The following ACTR3C variants were observed in gnomAD, a reference collection of about 807,000 sequenced individuals.
ACTR3C encodes the protein actin-related protein 3C.
Under a neutral mutation model 26.3 loss-of-function variants are expected in ACTR3C, and 18 were observed. The ratio of observed to expected loss-of-function variants is 0.68; its 90% CI spans 0.47 to 1.01. The LOEUF (loss-of-function observed/expected upper bound fraction) is 1.01. ACTR3C is among the 50% of genes least tolerant of loss of function. The probability of loss-of-function intolerance (pLI) is 0.00; values close to 1 mark genes in which losing one functional copy is unlikely to be tolerated. For missense variants in ACTR3C, 184 were observed against 250.7 expected (o/e 0.73, Z 1.80); for synonymous variants, 55 against 94.5 (o/e 0.58, Z 2.42).
At chr7:150,318,488 T>C (rs1471705796) in intron 1 of ACTR3C, among the ~76,000 whole-genome samples, 10 of 152,158 alleles carry the variant, frequency 6.6e-5, no homozygotes, top group Non-Finnish European at 1.5e-4. Context: ...GAGTTGCCAG[T>C]TGCGGTGGCT....
chr7:150,232,119 A>G, the ACTR3C span, among the ~76,000 whole-genome samples: 1 of 152,146 alleles, frequency 6.6e-6, no homozygotes. Context: ...TCGTTATGTA[A>G]TGCACCTCTT....
chr7:150,063,529 C>A, the ACTR3C span, among the ~76,000 whole-genome samples: 2 of 151,426 alleles, frequency 1.3e-5, 1 homozygote, highest in African/African-American at 4.9e-5. Flanking sequence ...AAGCTCAAAG[C>A]TGCTCTTGTA....
chr7:150,322,518 C>A (rs1797635897), intron 1 of ACTR3C: 1 of 152,258 alleles, frequency 6.6e-6, no homozygotes, highest in African/African-American at 2.4e-5. Flanking sequence ...TTACAGACGC[C>A]ATGACACCAT....
chr7:150,146,904 A>T, the ACTR3C span, among the ~76,000 whole-genome samples: 1 of 152,228 alleles, frequency 6.6e-6, no homozygotes, highest in African/African-American at 2.4e-5. Flanking sequence ...TTGAGATTGC[A>T]GGGTTTATTT....
the ACTR3C span, among the ~76,000 whole-genome samples, chr7:150,104,000 C>T: frequency 6.6e-6 from 1 of 151,824 alleles, no homozygotes; most frequent in Non-Finnish European, 1.5e-5. Flanking sequence ...ATTCAAAAGG[C>T]TTGGAAGGAC....
the ACTR3C span, among the ~76,000 whole-genome samples, chr7:150,109,785 C>T: frequency 6.7e-6 from 1 of 149,446 alleles, no homozygotes; most frequent in African/African-American, 2.5e-5. Context: ...AAGATTTGAA[C>T]AGACTTCCAG....
chr7:150,188,249 A>G, the ACTR3C span, among the ~76,000 whole-genome samples: 2 of 152,296 alleles, frequency 1.3e-5, no homozygotes, highest in East Asian at 1.9e-4. Flanking sequence ...TTCACTTAGC[A>G]TATTTTTTCT....
chr7:149,972,127 A>G, the ACTR3C span, among the ~76,000 whole-genome samples: 79 of 152,048 alleles, frequency 5.2e-4, 1 homozygote, highest in Non-Finnish European at 8.8e-4. Context: ...CATCTCACGG[A>G]TCTCCCAGCT....
chr7:150,011,413 T>G, the ACTR3C span, among the ~76,000 whole-genome samples: 1 of 152,094 alleles, frequency 6.6e-6, no homozygotes, highest in Non-Finnish European at 1.5e-5. Context: ...GGTGAAACCC[T>G]GTCTTACTAA....
chr7:150,049,036 TGC>T, the ACTR3C span, among the ~76,000 whole-genome samples: 1 of 151,850 alleles, frequency 6.6e-6, no homozygotes, highest in Non-Finnish European at 1.5e-5. Context: ...TTCCAAAGCC[TGC>T]GCCTCACTGT....
the ACTR3C span, among the ~76,000 whole-genome samples, chr7:150,081,480 C>T: frequency 6.6e-6 from 1 of 151,374 alleles, no homozygotes; most frequent in South Asian, 2.1e-4. Flanking sequence ...TCTTAATAAG[C>T]AGGGCCCTGT....
chr7:150,304,613 T>C (rs895389137), intron 1 of ACTR3C, among the ~76,000 whole-genome samples: 34 of 151,660 alleles, frequency 2.2e-4, no homozygotes, highest in African/African-American at 7.5e-4. Flanking sequence ...TTCTTCCTCC[T>C]CCCTCCCTCC....
chr7:150,231,352 T>A, the ACTR3C span, among the ~76,000 whole-genome samples: 9 of 152,080 alleles, frequency 5.9e-5, no homozygotes, highest in East Asian at 1.5e-3. Context: ...AGTAATGCCC[T>A]CCCTTGGTGG....
chr7:150,016,286 T>G, the ACTR3C span, among the ~76,000 whole-genome samples: 1 of 152,148 alleles, frequency 6.6e-6, no homozygotes, highest in African/African-American at 2.4e-5. Flanking sequence ...TTCTGACAAC[T>G]GCTTATTTGC....
At chr7:150,187,316 T>C in the ACTR3C span, among the ~76,000 whole-genome samples, 1 of 151,804 alleles carries the variant, frequency 6.6e-6, no homozygotes, top group Non-Finnish European at 1.5e-5. Flanking sequence ...CCAACTGGCA[T>C]TGGGGTAAAC....
intron 1 of ACTR3C, chr7:150,323,120 AC>A (rs1427556942): frequency 5.3e-6 from 1 of 188,146 alleles, no homozygotes; most frequent in Non-Finnish European, 1.1e-5. Flanking sequence ...CTAAGGCCGC[AC>A]CGATAAACGA....
chr7:150,063,940 G>C, the ACTR3C span, among the ~76,000 whole-genome samples: 1 of 151,912 alleles, frequency 6.6e-6, no homozygotes, highest in Non-Finnish European at 1.5e-5. Flanking sequence ...TATGGCAAGT[G>C]ACTACCAAAG....
chr7:149,911,802 C>T, the ACTR3C span, among the ~76,000 whole-genome samples: 5 of 152,040 alleles, frequency 3.3e-5, no homozygotes, highest in Non-Finnish European at 5.9e-5. Flanking sequence ...TGCACTTTGG[C>T]ACCACACTGA....
chr7:150,119,587 A>G, the ACTR3C span, among the ~76,000 whole-genome samples: 71,008 of 151,936 alleles, frequency 0.47, 17,130 homozygotes, highest in African/African-American at 0.59. Flanking sequence ...CATAAAGCAA[A>G]TTCTTAGAGA....
Sources: gnomAD v4.1 joint callset for allele counts (sites outside exome capture counted in the v4.1 genomes callset) on GRCh38, gnomAD v4.1.1 for gene constraint, MANE v1.5 for transcripts, NCBI Gene and HGNC (gene_info 2026-07-23, HGNC 2026-07-21) for gene names.